Variants in ACVR1 observed in about 807,000 individuals in gnomAD.
ACVR1 encodes activin receptor type-1.
ACVR1 carries 38 observed loss-of-function variants against 57.1 expected under a neutral mutation model. The observed-to-expected ratio is 0.67, with a 90% confidence interval of 0.51 to 0.87. The LOEUF (loss-of-function observed/expected upper bound fraction) is 0.87, where lower values mean the gene tolerates loss of function less well. ACVR1 is among the 40% of genes least tolerant of loss of function. The probability of loss-of-function intolerance (pLI) is 0.00; values close to 1 mark genes in which losing one functional copy is unlikely to be tolerated. For missense variants in ACVR1, 463 were observed against 638.2 expected, an observed-to-expected ratio of 0.73 and a Z score of 2.96; for synonymous variants, 212 against 228.1, an observed-to-expected ratio of 0.93 and a Z score of 0.63.
intron 9 of ACVR1, among the ~76,000 whole-genome samples, chr2:157,746,944 T>C (rs963047991): frequency 1.3e-5 from 2 of 152,228 alleles, no homozygotes; most frequent in African/African-American, 2.4e-5. Context: ...ATGAGGTTTA[T>C]TATTAGTAGC....
At chr2:157,856,883 C>T (rs976336264) in intron 1 of ACVR1, among the ~76,000 whole-genome samples, 4 of 152,134 alleles carry the variant, frequency 2.6e-5, no homozygotes, top group Non-Finnish European at 4.4e-5. Flanking sequence ...TCCATGCTAC[C>T]TTCTTTCAAT....
At chr2:157,802,503 T>C (rs149873289) in intron 2 of ACVR1, among the ~76,000 whole-genome samples, 13 of 152,178 alleles carry the variant, frequency 8.5e-5, no homozygotes, top group Non-Finnish European at 1.8e-4. Flanking sequence ...CATTCCATAG[T>C]TCCTCAGTCC....
chr2:157,814,538 T>C (rs1222993845), intron 2 of ACVR1, among the ~76,000 whole-genome samples: 2 of 152,196 alleles, frequency 1.3e-5, no homozygotes, highest in African/African-American at 4.8e-5. Context: ...AAATCTAAAA[T>C]CTGTCAAGGT....
intron 1 of ACVR1, among the ~76,000 whole-genome samples, chr2:157,866,379 G>A (rs1035199302): frequency 5.9e-5 from 9 of 152,072 alleles, no homozygotes; most frequent in African/African-American, 2.2e-4. Flanking sequence ...GAGGAGCTGA[G>A]GTGGACACAG....
intron 1 of ACVR1, among the ~76,000 whole-genome samples, chr2:157,842,117 A>C (rs2105356339): frequency 6.6e-6 from 1 of 152,230 alleles, no homozygotes; most frequent in African/African-American, 2.4e-5. Flanking sequence ...CTAGGGAAAC[A>C]TCCCTTGTTA....
At chr2:157,767,168 A>C (rs1166247161) in intron 7 of ACVR1, among the ~76,000 whole-genome samples, 2 of 152,016 alleles carry the variant, frequency 1.3e-5, no homozygotes, top group Non-Finnish European at 2.9e-5. Context: ...AGTAGCTGGG[A>C]TTACAGGGGC....
intron 2 of ACVR1, among the ~76,000 whole-genome samples, chr2:157,809,917 A>T (rs1389105821): frequency 6.6e-6 from 1 of 152,106 alleles, no homozygotes; most frequent in African/African-American, 2.4e-5. Context: ...TCTACAAAAA[A>T]TAAAGAAAAT....
At chr2:157,757,240 T>C (rs1450134816) in intron 9 of ACVR1, among the ~76,000 whole-genome samples, 1 of 151,500 alleles carries the variant, frequency 6.6e-6, no homozygotes, top group Non-Finnish European at 1.5e-5. Context: ...CTACGTGATA[T>C]ATGGGACATC....
intron 1 of ACVR1, among the ~76,000 whole-genome samples, chr2:157,832,771 T>A (rs1340265349): frequency 6.6e-6 from 1 of 152,214 alleles, no homozygotes. Flanking sequence ...TGAATTTGAC[T>A]GTTAGGAGTC....
At chr2:157,779,438 TA>T (rs2105279687) in intron 4 of ACVR1, among the ~76,000 whole-genome samples, 1 of 152,364 alleles carries the variant, frequency 6.6e-6, no homozygotes, top group South Asian at 2.1e-4. Flanking sequence ...CCATATGCCT[TA>T]AAGTCATCAC....
chr2:157,753,265 C>T (rs555765867), intron 9 of ACVR1, among the ~76,000 whole-genome samples: 70 of 152,294 alleles, frequency 4.6e-4, no homozygotes, highest in African/African-American at 1.7e-3. Flanking sequence ...TGTGGTGGTT[C>T]ACGCCTGTAA....
chr2:157,744,009 A>C (rs1684872178), intron 9 of ACVR1, among the ~76,000 whole-genome samples: 1 of 152,224 alleles, frequency 6.6e-6, no homozygotes, highest in Non-Finnish European at 1.5e-5. Context: ...ATTAATGGCA[A>C]AGTTAAACTA....
chr2:157,739,721 C>G (rs188628211), intron 9 of ACVR1, among the ~76,000 whole-genome samples: 1 of 152,288 alleles, frequency 6.6e-6, no homozygotes, highest in East Asian at 1.9e-4. Flanking sequence ...AGAAATTACT[C>G]AACAGTGGGA....
intron 6 of ACVR1, among the ~76,000 whole-genome samples, chr2:157,771,895 G>A (rs964238651): frequency 6.6e-6 from 1 of 152,176 alleles, no homozygotes; most frequent in African/African-American, 2.4e-5. Context: ...AGCATTTATA[G>A]CTCAAGATGA....
intron 6 of ACVR1, among the ~76,000 whole-genome samples, chr2:157,773,067 C>T (rs181877984): frequency 2.0e-4 from 30 of 152,266 alleles, no homozygotes; most frequent in African/African-American, 5.1e-4. Flanking sequence ...AAAGATGCAA[C>T]GGCAGGAGCT....
chr2:157,778,151 C>A lies in ACVR1; in HGVS notation c.523G>T (p.Val175Phe). ...GTIEGLITTN[V>F]GDSTLADLLD... ...CTTACTGCTAAAGTGCTGTCTCCAA[C>A]ATTGGTGGTGATGAGCCCTTCGATA... The change falls in exon 5 of 11, where the codon GTT (valine) becomes TTT (phenylalanine). Residue 175 changes from valine to phenylalanine, a missense_variant. By Grantham distance (50) the Val-to-Phe change is conservative (BLOSUM62 -1). Coordinates refer to ENST00000434821, the MANE Select transcript of ACVR1 (RefSeq NM_001111067.4). 3 of 1,613,798 alleles carry A rather than the reference C, an allele frequency of 1.9e-6. No individual in the cohort carries two copies. In the South Asian group the frequency reaches 3.3e-5, roughly 18 times the overall value.
Position 157,778,237 on chromosome 2 carries a change from A to C in ACVR1, c.437T>G (p.Leu146Arg). 6.2e-7 allele frequency: 1 copy of C among 1,614,046 alleles called. No homozygotes were observed. The highest frequency in any genetic ancestry group is 8.5e-7 in the Non-Finnish European group (1 of 1,179,996). The change falls in exon 5 of 11, where the codon CTC becomes CGC. Residue 146 changes from leucine (L) to arginine (R), a missense_variant. Around this residue, in one of 3 missense-constraint regions of ACVR1, gnomAD observed 203 missense variants for 235.5 expected, o/e 0.86. Transcript: ENST00000434821. The stretch of plus-strand genomic sequence containing the variant: ...TTGGTTGCGCCTTTTAAATTTTCGG[A>C]GAGCAACTCCCAGCAGGCAGGCTAA... ...CLLACLLGVA[L>R]RKFKRRNQER...
chr2:157,848,385 T>G (rs1689191043), intron 1 of ACVR1, among the ~76,000 whole-genome samples: 1 of 152,162 alleles, frequency 6.6e-6, no homozygotes. Context: ...AGAGACCACA[T>G]GTAGGTGTTT....
intron 1 of ACVR1, among the ~76,000 whole-genome samples, chr2:157,820,885 C>G: frequency 6.6e-6 from 1 of 152,252 alleles, no homozygotes; most frequent in East Asian, 1.9e-4. Flanking sequence ...CGATACTTAG[C>G]ATATACTTGG....
Sources: allele counts gnomAD v4.1 joint callset (sites outside exome capture counted in the v4.1 genomes callset), GRCh38; gene constraint gnomAD v4.1.1; regional missense constraint gnomAD v4.1.1; transcripts MANE v1.5; gene names NCBI Gene and HGNC (gene_info 2026-07-23, HGNC 2026-07-21).